The following SIL1 variants were observed in gnomAD, a reference collection of about 807,000 sequenced individuals.
SIL1 encodes nucleotide exchange factor SIL1.
SIL1 carries 40 observed loss-of-function variants against 49.1 expected under a neutral mutation model. The observed-to-expected ratio is 0.81, with a 90% CI of 0.63 to 1.06. The LOEUF (loss-of-function observed/expected upper bound fraction) is 1.06. SIL1 is among the 50% of genes least tolerant of loss of function. SIL1 has a pLI of 0.00. For synonymous variants in SIL1, 253 were observed against 250.8 expected (o/e 1.01, Z -0.08); for missense variants, 500 against 572.6 (o/e 0.87, Z 1.29).
rs1191536481 is a variant in SIL1, at chr5:139,021,232, T to G, written c.706A>C (p.Asn236His). ...TCCTTCACGAGGGGCTCTGTGCTGT[T>G]CAGCCCATTGATCACCACTTGAAGA... ...GGLQVVINGL[N>H]STEPLVKEYA... Residue 236 changes from asparagine to histidine, a missense_variant, in exon 7 of 10, where the codon AAC (asparagine) becomes CAC (histidine). Coordinates refer to ENST00000394817, the MANE Select transcript of SIL1 (RefSeq NM_022464.5). The G allele has an allele frequency of 6.2e-7, 1 of 1,614,044 alleles. No individual in the cohort carries two copies. The highest frequency in any genetic ancestry group is 8.5e-7 in the Non-Finnish European group (1 of 1,180,042).
intron 7 of SIL1, among the ~76,000 whole-genome samples, chr5:138,966,835 A>G (rs1561808278): frequency 6.6e-6 from 1 of 152,234 alleles, no homozygotes; most frequent in South Asian, 2.1e-4. Flanking sequence ...GCTAATAAGT[A>G]GCAGAGTCAT....
At chr5:138,949,762 G>C (rs965049587) in intron 9 of SIL1, among the ~76,000 whole-genome samples, 12 of 132,234 alleles carry the variant, frequency 9.1e-5, no homozygotes, top group Admixed American at 2.7e-4. Flanking sequence ...AGTGAGCCAA[G>C]ATCGTGCCAC....
intron 7 of SIL1, among the ~76,000 whole-genome samples, chr5:139,008,408 A>AT (rs1450886619): frequency 1.5e-4 from 19 of 123,120 alleles, no homozygotes; most frequent in Non-Finnish European, 3.0e-4. Flanking sequence ...CTTTCAAAAA[A>AT]CCAGCTCCTG....
intron 7 of SIL1, among the ~76,000 whole-genome samples, chr5:138,986,391 G>C (rs761925722): frequency 4.6e-5 from 7 of 152,156 alleles, no homozygotes; most frequent in Non-Finnish European, 1.0e-4. Context: ...CACGGACTCT[G>C]ATTGATTTAG....
At chr5:139,047,677 G>A (rs1017383173) in intron 4 of SIL1, among the ~76,000 whole-genome samples, 1 of 152,242 alleles carries the variant, frequency 6.6e-6, no homozygotes, top group Non-Finnish European at 1.5e-5. Context: ...TAAGGGGCCA[G>A]GAAGACACCA....
rs781049621 is a variant in SIL1 at position 139,057,314 on chromosome 5, T to TTAAAAAAAAAAAA, written c.245-6269_245-6268insTTTTTTTTTTTTA. On this transcript the variant is annotated intron_variant, in intron 3 of 9. Transcript: ENST00000394817. ...GCGAGAAACACCCAAGAATGATCAA[T>TTAAAAAAAAAAAA]AAAAAAAAAAAAAAGAAAAGAAAAG... Among the ~76,000 whole-genome samples the TTAAAAAAAAAAAA allele has an allele frequency of 1.0e-3, 76 of 73,328 alleles. 6 individuals carry two copies. Among genetic ancestry groups the TTAAAAAAAAAAAA allele is most frequent in the African/African-American group, 1.4e-3 (23 of 16,550 alleles). The allele number at this position is 73,328 out of a possible 152,430, so 48.1% of individuals were successfully genotyped here.
intron 7 of SIL1, among the ~76,000 whole-genome samples, chr5:139,005,630 G>A (rs1184120164): frequency 1.0e-5 from 1 of 99,158 alleles, no homozygotes; most frequent in African/African-American, 4.0e-5. Flanking sequence ...AGTCCCCAGA[G>A]TGTGATATTC....
intron 3 of SIL1, among the ~76,000 whole-genome samples, chr5:139,082,139 A>G (rs916442925): frequency 6.6e-6 from 1 of 152,234 alleles, no homozygotes; most frequent in Non-Finnish European, 1.5e-5. Flanking sequence ...TTTACAGATG[A>G]GAATTCTTTG....
chr5:139,095,550 C>A (rs1561860017), intron 3 of SIL1, among the ~76,000 whole-genome samples: 2 of 152,230 alleles, frequency 1.3e-5, no homozygotes, highest in Non-Finnish European at 2.9e-5. Context: ...GCATAAGCCA[C>A]ATGCCCAGCC....
intron 1 of SIL1, among the ~76,000 whole-genome samples, chr5:139,137,024 G>T (rs1389571680): frequency 6.6e-6 from 1 of 152,194 alleles, no homozygotes; most frequent in Admixed American, 6.5e-5. Flanking sequence ...TCTCAGCCAT[G>T]CCTCAGACTG....
intron 4 of SIL1, among the ~76,000 whole-genome samples, chr5:139,047,034 GTGAAATAAATAAA>G (rs1769182311): frequency 6.6e-6 from 1 of 152,156 alleles, no homozygotes; most frequent in Non-Finnish European, 1.5e-5. Flanking sequence ...ATAGGTTTTT[GTGAAATAAATAAA>G]TGGAGGAAGT....
At chr5:138,949,526 T>C (rs1055073768) in intron 9 of SIL1, among the ~76,000 whole-genome samples, 1 of 152,062 alleles carries the variant, frequency 6.6e-6, no homozygotes, top group African/African-American at 2.4e-5. Flanking sequence ...TCTTAAGCGC[T>C]GCAAGAGGCT....
At chr5:139,020,290 GA>G (rs1259520357) in intron 7 of SIL1, among the ~76,000 whole-genome samples, 2 of 152,230 alleles carry the variant, frequency 1.3e-5, no homozygotes, top group Admixed American at 6.5e-5. Flanking sequence ...CAGAGTGAGA[GA>G]GCATCAGACT....
At chr5:139,178,865 T>C (rs896699381) in intron 1 of SIL1, among the ~76,000 whole-genome samples, 1 of 152,114 alleles carries the variant, frequency 6.6e-6, no homozygotes, top group African/African-American at 2.4e-5. Flanking sequence ...TAACAGATGT[T>C]TTATATACAT....
intron 3 of SIL1, among the ~76,000 whole-genome samples, chr5:139,074,740 G>A (rs1769907568): frequency 6.6e-6 from 1 of 152,168 alleles, no homozygotes; most frequent in African/African-American, 2.4e-5. Flanking sequence ...GAGTGGAAGG[G>A]ATTAAAGAGT....
chr5:139,070,914 C>T (rs1297630962), intron 3 of SIL1, among the ~76,000 whole-genome samples: 1 of 151,912 alleles, frequency 6.6e-6, no homozygotes, highest in Admixed American at 6.6e-5. Flanking sequence ...AGTAGTGCAG[C>T]TAAAAATAAA....
chr5:138,971,034 A>G (rs1472898406), intron 7 of SIL1, among the ~76,000 whole-genome samples: 1 of 152,222 alleles, frequency 6.6e-6, no homozygotes, highest in African/African-American at 2.4e-5. Flanking sequence ...TCTAGATCAC[A>G]TGACCAGCCC....
intron 1 of SIL1, among the ~76,000 whole-genome samples, chr5:139,164,693 A>AGTGTGT: frequency 6.6e-6 from 1 of 152,214 alleles, no homozygotes; most frequent in Admixed American, 6.5e-5. Context: ...CAGATGAAGA[A>AGTGTGT]ACTAAGTCAC....
chr5:138,982,457 C>T (rs946965200), intron 7 of SIL1, among the ~76,000 whole-genome samples: 1 of 152,184 alleles, frequency 6.6e-6, no homozygotes, highest in African/African-American at 2.4e-5. Flanking sequence ...CTCCTCAGAG[C>T]GATGCCCTAT....
Sources: gnomAD v4.1 joint callset for allele counts (sites outside exome capture counted in the v4.1 genomes callset) on GRCh38, gnomAD v4.1.1 for gene constraint, MANE v1.5 for transcripts, NCBI Gene and HGNC (gene_info 2026-07-23, HGNC 2026-07-21) for gene names.